NUBPL: variants seen among roughly 807,000 people sequenced by gnomAD.
The protein encoded by NUBPL is NUBP iron-sulfur cluster assembly factor, mitochondrial.
Under a neutral mutation model 45.7 loss-of-function variants are expected in NUBPL, and 31 were observed. The ratio of observed to expected loss-of-function variants is 0.68; its 90% CI spans 0.51 to 0.92. NUBPL has a LOEUF of 0.92. Ranked by LOEUF, NUBPL falls within the 40% of genes least tolerant of loss-of-function variation. The pLI is 0.00. For synonymous variants in NUBPL, 144 were observed against 140.9 expected (o/e 1.02, Z -0.15); for missense variants, 401 against 398.7 (o/e 1.01, Z -0.05).
intron 4 of NUBPL, among the ~76,000 whole-genome samples, chr14:31,658,597 C>A (rs1175639288): frequency 6.6e-6 from 1 of 151,842 alleles, no homozygotes; most frequent in East Asian, 1.9e-4. Context: ...ACTGCAGCCT[C>A]CACCTTCTGG....
chr14:31,757,695 G>C (rs186889004), intron 6 of NUBPL, among the ~76,000 whole-genome samples: 3 of 151,908 alleles, frequency 2.0e-5, no homozygotes, highest in Non-Finnish European at 2.9e-5. Context: ...AGTACATGAG[G>C]GTTCATGTAC....
At chr14:31,610,608 C>CAAAAAAAAAAAAAAAAAAAAAAAAAA (rs775656176) in intron 4 of NUBPL, among the ~76,000 whole-genome samples, 4 of 94,706 alleles carry the variant, frequency 4.2e-5, no homozygotes, top group South Asian at 3.9e-4. Flanking sequence ...AAAGATACAT[C>CAAAAAAAAAAAAAAAAAAAAAAAAAA]AAAAAAAAAA....
At chr14:31,569,705 G>A (rs1274375604) in intron 3 of NUBPL, among the ~76,000 whole-genome samples, 1 of 152,000 alleles carries the variant, frequency 6.6e-6, no homozygotes, top group Non-Finnish European at 1.5e-5. Flanking sequence ...TTAAATTTTC[G>A]GTGAATTTTG....
At chr14:31,628,954 T>G (rs2035276360) in intron 4 of NUBPL, among the ~76,000 whole-genome samples, 1 of 152,210 alleles carries the variant, frequency 6.6e-6, no homozygotes, top group Non-Finnish European at 1.5e-5. Flanking sequence ...TGCCACTGCC[T>G]TAATTTGTGC....
chr14:31,757,335 C>G (rs373209017), intron 6 of NUBPL, among the ~76,000 whole-genome samples: 20 of 151,218 alleles, frequency 1.3e-4, no homozygotes, highest in East Asian at 5.8e-4. Flanking sequence ...TGGTCCTGGA[C>G]TCTTTTTGGT....
rs539006844 is a variant in NUBPL, at chr14:31,726,084, A to G, written c.513+52510A>G. Among the ~76,000 whole-genome samples, 9 of 152,290 alleles carry G rather than the reference A, an allele frequency of 5.9e-5. No individual in the cohort carries two copies. The South Asian group carries it at 1.9e-3, about 32-fold the overall frequency. ...CATTGCTTTGTACATAGGAGTTGGT[A>G]AATGTTATGGCCTTTCTCATAAAAA... On this transcript the variant is annotated intron_variant, in intron 6 of 10. Transcript: ENST00000281081.
chr14:31,644,498 A>G (rs1194912681), intron 4 of NUBPL, among the ~76,000 whole-genome samples: 1 of 151,892 alleles, frequency 6.6e-6, no homozygotes, highest in African/African-American at 2.4e-5. Flanking sequence ...GTTTTATTCC[A>G]CTGTAGTCCA....
At chr14:31,738,663 A>G (rs1389786208) in intron 6 of NUBPL, among the ~76,000 whole-genome samples, 1 of 152,212 alleles carries the variant, frequency 6.6e-6, no homozygotes, top group African/African-American at 2.4e-5. Context: ...CATCTCTGGT[A>G]GCAACTACTG....
At chr14:31,816,967 C>T (rs1052001905) in intron 7 of NUBPL, among the ~76,000 whole-genome samples, 2 of 151,640 alleles carry the variant, frequency 1.3e-5, no homozygotes, top group African/African-American at 4.8e-5. Context: ...CTAGAATAAC[C>T]AGTTTAGAGA....
chr14:31,619,021 G>T (rs7144102), intron 4 of NUBPL, among the ~76,000 whole-genome samples: 1 of 151,950 alleles, frequency 6.6e-6, no homozygotes, highest in South Asian at 2.1e-4. Flanking sequence ...TTGTTGCATT[G>T]ATGACTTCAT....
chr14:31,748,204 G>C (rs180919751), intron 6 of NUBPL, among the ~76,000 whole-genome samples: 2 of 152,254 alleles, frequency 1.3e-5, no homozygotes, highest in East Asian at 3.9e-4. Flanking sequence ...GTTGAGATTT[G>C]TTTTGTGGCC....
At chr14:31,563,715 A>T (rs866737338) in intron 2 of NUBPL, among the ~76,000 whole-genome samples, 1 of 152,232 alleles carries the variant, frequency 6.6e-6, no homozygotes, top group Non-Finnish European at 1.5e-5. Flanking sequence ...GACTAATGCA[A>T]ATATGCTCAG....
At chr14:31,828,545 A>G (rs193300553) in intron 8 of NUBPL, among the ~76,000 whole-genome samples, 54 of 152,282 alleles carry the variant, frequency 3.5e-4, no homozygotes, top group African/African-American at 1.2e-3. Flanking sequence ...CAAAAACATG[A>G]ATTCCTTGAG....
At chr14:31,830,582 G>A (rs962705456) in intron 8 of NUBPL, among the ~76,000 whole-genome samples, 16 of 152,134 alleles carry the variant, frequency 1.1e-4, no homozygotes, top group Non-Finnish European at 2.1e-4. Flanking sequence ...GCTTTTCCCA[G>A]TATGCCAGGA....
At chr14:31,666,242 T>TAC (rs2036411426) in intron 4 of NUBPL, among the ~76,000 whole-genome samples, 1 of 29,120 alleles carries the variant, frequency 3.4e-5, no homozygotes, top group Non-Finnish European at 6.6e-5. Context: ...TATATATATA[T>TAC]ATATATATAT....
At chr14:31,652,377 G>A (rs1566477724) in intron 4 of NUBPL, among the ~76,000 whole-genome samples, 1 of 152,186 alleles carries the variant, frequency 6.6e-6, no homozygotes, top group African/African-American at 2.4e-5. Context: ...CCATTGTACA[G>A]CGTGGGGACT....
intron 6 of NUBPL, among the ~76,000 whole-genome samples, chr14:31,783,819 A>T (rs1290110393): frequency 6.6e-6 from 1 of 152,186 alleles, no homozygotes; most frequent in Non-Finnish European, 1.5e-5. Flanking sequence ...CACCTGGCCA[A>T]TAGCAGTTTT....
chr14:31,683,172 A>T lies in NUBPL; in HGVS notation c.513+9598A>T, dbSNP rs2036872700. On this transcript the variant is annotated intron_variant, in intron 6 of 10. Coordinates refer to ENST00000281081, the MANE Select transcript of NUBPL (RefSeq NM_025152.3). ...TTCCACCTCCAACATTGGAGATACA[A>T]TTTCAACATGAGGTTTAGAGAGACA... Among the ~76,000 whole-genome samples the T allele has an allele frequency of 2.0e-5, 3 of 151,774 alleles. No homozygotes were observed. The South Asian group carries it at 6.2e-4, about 32-fold the overall frequency.
chr14:31,779,042 T>A (rs1460516798), intron 6 of NUBPL, among the ~76,000 whole-genome samples: 1 of 152,074 alleles, frequency 6.6e-6, no homozygotes, highest in Admixed American at 6.6e-5. Flanking sequence ...AAGATGAGGA[T>A]AGAAAGAGAA....
Sources: gnomAD v4.1 joint callset for allele counts (sites outside exome capture counted in the v4.1 genomes callset) on GRCh38, gnomAD v4.1.1 for gene constraint, MANE v1.5 for transcripts, NCBI Gene and HGNC (gene_info 2026-07-23, HGNC 2026-07-21) for gene names.